Variants in SCMH1 observed in about 807,000 individuals in gnomAD.
The protein encoded by SCMH1 is polycomb protein SCMH1.
A neutral mutation model predicts 70.8 loss-of-function variants in SCMH1; 37 were observed. The observed-to-expected ratio is 0.52, with a 90% confidence interval of 0.40 to 0.69. SCMH1 has a LOEUF of 0.69. Ranked by LOEUF, SCMH1 falls within the 30% of genes least tolerant of loss-of-function variation. SCMH1 has a pLI of 0.00. For missense variants in SCMH1, 607 were observed against 827.3 expected (o/e 0.73, Z 3.27); for synonymous variants, 292 against 307.4 (o/e 0.95, Z 0.52).
intron 1 of SCMH1, among the ~76,000 whole-genome samples, chr1:41,208,735 T>C (rs1425304159): frequency 6.6e-6 from 1 of 152,090 alleles, no homozygotes; most frequent in Admixed American, 6.6e-5. Flanking sequence ...AGCAGTGTGT[T>C]GAGGGAAATT....
At chr1:41,102,173 ATGTG>A (rs3834018) in intron 8 of SCMH1, among the ~76,000 whole-genome samples, 17 of 151,516 alleles carry the variant, frequency 1.1e-4, no homozygotes, top group Admixed American at 1.1e-3. Flanking sequence ...ATGCACACGC[ATGTG>A]TGTGTGTGTG....
intron 1 of SCMH1, among the ~76,000 whole-genome samples, chr1:41,228,677 TAGG>T (rs975674291): frequency 6.6e-6 from 1 of 151,420 alleles, no homozygotes; most frequent in African/African-American, 2.4e-5. Flanking sequence ...TCCAGGTACT[TAGG>T]AGGCTGCAGT....
chr1:41,189,443 C>T (rs1238705918), intron 1 of SCMH1, among the ~76,000 whole-genome samples: 8 of 152,158 alleles, frequency 5.3e-5, no homozygotes, highest in East Asian at 1.9e-4. Flanking sequence ...CGAGCCACTG[C>T]GCCCAGCCGA....
chr1:41,028,565 G>A lies in SCMH1; in HGVS notation c.1821+19C>T. The A allele has an allele frequency of 1.2e-6, 2 of 1,613,998 alleles. No homozygotes were observed. The highest frequency in any genetic ancestry group is 1.7e-6 in the Non-Finnish European group (2 of 1,179,948). On this transcript the variant is annotated intron_variant, in intron 14 of 14. Coordinates refer to ENST00000337495, the Ensembl canonical transcript of SCMH1. ...TCTCCACACAGGTTCCTACTGAGAG[G>A]TCAGGCAGCAGCACCTACGTGTTTG...
chr1:41,231,855 T>C (rs908637092), intron 1 of SCMH1, among the ~76,000 whole-genome samples: 2 of 151,978 alleles, frequency 1.3e-5, no homozygotes, highest in Admixed American at 6.6e-5. Context: ...ACTCGGTCTC[T>C]ATTAAAAATA....
At chr1:41,126,477 T>G (rs1673210596) in intron 6 of SCMH1, among the ~76,000 whole-genome samples, 1 of 152,176 alleles carries the variant, frequency 6.6e-6, no homozygotes, top group Non-Finnish European at 1.5e-5. Flanking sequence ...ATCCCAGTAC[T>G]TTCTACCTTA....
chr1:41,218,741 T>G (rs1206962066), intron 1 of SCMH1, among the ~76,000 whole-genome samples: 1 of 152,212 alleles, frequency 6.6e-6, no homozygotes, highest in Non-Finnish European at 1.5e-5. Flanking sequence ...GTGACCACAT[T>G]TAAACCTCAT....
intron 5 of SCMH1, among the ~76,000 whole-genome samples, chr1:41,151,054 G>A (rs1450833584): frequency 1.3e-5 from 2 of 151,728 alleles, no homozygotes; most frequent in South Asian, 2.1e-4. Context: ...ACTTCCTGAC[G>A]TTTAACTTTG....
At chr1:41,166,703 G>A (rs1387643481) in intron 2 of SCMH1, among the ~76,000 whole-genome samples, 1 of 152,058 alleles carries the variant, frequency 6.6e-6, no homozygotes, top group Non-Finnish European at 1.5e-5. Context: ...TTTGTATCCT[G>A]CAACTTTCCT....
chr1:41,118,874 C>T (rs1671202471), intron 6 of SCMH1, among the ~76,000 whole-genome samples: 1 of 152,182 alleles, frequency 6.6e-6, no homozygotes, highest in South Asian at 2.1e-4. Context: ...TAAGCTGCAC[C>T]CAAGCTGCAA....
rs1655970379 is a variant in SCMH1 at position 41,070,120 on chromosome 1, T to G, written c.1105+475A>C. 2.0e-5 allele frequency among the ~76,000 whole-genome samples: 3 copies of G among 152,180 alleles called. 1 individual carries two copies. In the South Asian group the frequency reaches 6.2e-4, roughly 32 times the overall value. On this transcript the variant is annotated intron_variant, in intron 10 of 14. Coordinates refer to ENST00000337495, the Ensembl canonical transcript of SCMH1. ...ACAGTTTATGAAATGGGAACAGATA[T>G]GCATAACCCAGGATGATTACCCACC...
In SCMH1 at chr1:41,113,246, G is replaced by A; in HGVS notation, c.745+37C>T. ...CCCTGGGTAGTCTCCCTTATCATCTGGGTCCTGATTTCAAGAGCACGTAGA... is the reference window on the plus strand; with the variant it reads ...CCCTGGGTAGTCTCCCTTATCATCTAGGTCCTGATTTCAAGAGCACGTAGA... On this transcript the variant is annotated intron_variant, in intron 8 of 14. Transcript: ENST00000337495. The surrounding 1 kb of genome is among the most constrained non-coding windows in gnomAD (Gnocchi z 4.3). 6.2e-7 allele frequency: 1 copy of A among 1,600,060 alleles called. No individual in the cohort carries two copies. The highest frequency in any genetic ancestry group is 8.5e-7 in the Non-Finnish European group (1 of 1,174,016).
At chr1:41,037,153 G>A (rs1645419527) in intron 13 of SCMH1, among the ~76,000 whole-genome samples, 1 of 152,146 alleles carries the variant, frequency 6.6e-6, no homozygotes, top group South Asian at 2.1e-4. Flanking sequence ...CTAGGTCTTT[G>A]GCTCTTAGTT....
intron 8 of SCMH1, among the ~76,000 whole-genome samples, chr1:41,093,665 G>T (rs962743839): frequency 1.3e-5 from 2 of 151,938 alleles, no homozygotes; most frequent in Admixed American, 1.3e-4. Flanking sequence ...ATCATGCATT[G>T]GTCATTTGTA....
At chr1:41,161,721 T>G (rs1301603785) in intron 2 of SCMH1, among the ~76,000 whole-genome samples, 1 of 152,136 alleles carries the variant, frequency 6.6e-6, no homozygotes, top group Non-Finnish European at 1.5e-5. Flanking sequence ...TTTAAAAGGC[T>G]AAAGAACAAA....
intron 8 of SCMH1, among the ~76,000 whole-genome samples, chr1:41,099,605 T>C (rs766717634): frequency 9.2e-5 from 14 of 152,242 alleles, no homozygotes; most frequent in Non-Finnish European, 1.6e-4. Flanking sequence ...TAGGTTCAAG[T>C]CCTTGCAAAT....
At chr1:41,175,038 TTGTGATGGTTAACTTTA>T (rs1421642437) in intron 2 of SCMH1, among the ~76,000 whole-genome samples, 1 of 152,212 alleles carries the variant, frequency 6.6e-6, no homozygotes, top group East Asian at 1.9e-4. Context: ...AAACGAGTAC[TTGTGATGGTTAACTTTA>T]TGTGTCAACT....
intron 2 of SCMH1, among the ~76,000 whole-genome samples, chr1:41,165,852 T>C (rs1319590770): frequency 6.6e-6 from 1 of 152,140 alleles, no homozygotes; most frequent in Non-Finnish European, 1.5e-5. Flanking sequence ...CCTTCATTGT[T>C]TCCTTTTCTA....
intron 10 of SCMH1, among the ~76,000 whole-genome samples, chr1:41,062,103 T>C (rs1443530980): frequency 6.6e-6 from 1 of 151,954 alleles, no homozygotes; most frequent in Non-Finnish European, 1.5e-5. Flanking sequence ...TGAGCTCAAG[T>C]GATCCACTGG....
Sources: gnomAD v4.1 joint callset for allele counts (sites outside exome capture counted in the v4.1 genomes callset) on GRCh38, gnomAD v4.1.1 for gene constraint, Gnocchi (gnomAD v3.1) non-coding constraint, MANE v1.5 for transcripts, NCBI Gene and HGNC (gene_info 2026-07-23, HGNC 2026-07-21) for gene names.